Variants in SNRPD2 observed in about 807,000 individuals in gnomAD.
The protein encoded by SNRPD2 is small nuclear ribonucleoprotein Sm D2.
In SNRPD2, 1 loss-of-function variant was observed where a neutral mutation model predicts 11.5. The ratio of observed to expected loss-of-function variants is 0.09; its 90% CI spans 0.03 to 0.41. The LOEUF (loss-of-function observed/expected upper bound fraction) is 0.41. SNRPD2 is among the 10% of genes least tolerant of loss of function. The probability of loss-of-function intolerance (pLI) is 0.98; values close to 1 mark genes in which losing one functional copy is unlikely to be tolerated. For synonymous variants in SNRPD2, 63 were observed against 61.5 expected (o/e 1.02, Z -0.12); for missense variants, 77 against 154.9 (o/e 0.50, Z 2.67).
At chr19:45,692,153 G>T, upstream of SNRPD2, 2 of 682,938 alleles carry the variant, frequency 2.9e-6, no homozygotes, top group Non-Finnish European at 4.7e-6. Context: ...AGGAAAGGCA[G>T]TCTGATTCAA....
At position 45,691,912 on chromosome 19, in the gene SNRPD2, A is replaced by C. The variant is rs753827264; in HGVS notation, c.-24T>G. 6 of 1,613,768 alleles carry C rather than the reference A, an allele frequency of 3.7e-6. No homozygotes were observed. The highest frequency in any genetic ancestry group is 3.3e-5 in the South Asian group (3 of 91,076). On this transcript the variant is annotated 5_prime_UTR_variant, in exon 1 of 3. Coordinates refer to ENST00000342669, the MANE Select transcript of SNRPD2 (RefSeq NM_001384647.1). ...ATGATGGTCACTACGCTCTCCGTTCACTCCCGTTTCCTCCGCGTTGCTGCT... is the reference window on the plus strand; with the variant it reads ...ATGATGGTCACTACGCTCTCCGTTCCCTCCCGTTTCCTCCGCGTTGCTGCT...
At position 45,687,508 on chromosome 19, in the gene SNRPD2, C is replaced by T. The variant is rs763892334; in HGVS notation, c.*45G>A. Reference sequence around the variant, plus strand: ...TATTCTCAACACCAATGGCAGCGGTCTTCATAGGACAGAGGAGTGAGTTCT... The same window carrying T: ...TATTCTCAACACCAATGGCAGCGGTTTTCATAGGACAGAGGAGTGAGTTCT... On this transcript the variant is annotated 3_prime_UTR_variant, in exon 3 of 3. Coordinates refer to ENST00000342669, the MANE Select transcript of SNRPD2 (RefSeq NM_001384647.1). The surrounding 1 kb of genome is among the most constrained non-coding windows in gnomAD (Gnocchi z 4.1). 3.8e-6 allele frequency: 6 copies of T among 1,569,030 alleles called. No homozygotes were observed. Among genetic ancestry groups the T allele is most frequent in the South Asian group, 3.4e-5 (3 of 89,414 alleles).
chr19:45,689,295 G>A (rs1393929876), intron 1 of SNRPD2: 2 of 520,020 alleles, frequency 3.8e-6, no homozygotes, highest in African/African-American at 3.8e-5. Context: ...CTCCACCCAC[G>A]TTCCCTGACA....
intron 1 of SNRPD2, 108 bp downstream of exon 1, chr19:45,691,777 TAA>T: frequency 2.9e-6 from 4 of 1,375,260 alleles, no homozygotes; most frequent in Non-Finnish European, 4.1e-6. Flanking sequence ...GCTGCATCCC[TAA>T]AACATCTGCC....
chr19:45,691,354 C>T (rs1301435173), intron 1 of SNRPD2: 3 of 153,910 alleles, frequency 1.9e-5, no homozygotes, highest in Non-Finnish European at 4.4e-5. Flanking sequence ...TGGTCTCAAA[C>T]TCCTGACCTC....
At chr19:45,689,359 C>T in intron 1 of SNRPD2, 1 of 501,204 alleles carries the variant, frequency 2.0e-6, no homozygotes, top group South Asian at 1.4e-5. Flanking sequence ...TAAATCATAA[C>T]ATGTCACTCT....
intron 1 of SNRPD2, chr19:45,691,536 A>AT (rs5828244): frequency 0.41 from 76,131 of 185,720 alleles, 14,785 homozygotes; most frequent in Admixed American, 0.48. Context: ...TCATAATTAA[A>AT]TTTTTTTTTT....
chr19:45,692,181 G>C, upstream of SNRPD2: 1 of 559,282 alleles, frequency 1.8e-6, no homozygotes, highest in Non-Finnish European at 3.0e-6. Context: ...CTTGAAGAAT[G>C]GTACAGGTTG....
rs1421694985 is a variant in SNRPD2, at chr19:45,687,994, T to A, written c.183-267A>T. ...CTCACAGGGCCATTGAAAATTATCATTTTCTTTTTTGAGACAGAATCTCAC... is the reference window on the plus strand; with the variant it reads ...CTCACAGGGCCATTGAAAATTATCAATTTCTTTTTTGAGACAGAATCTCAC... On this transcript the variant is annotated intron_variant, in intron 2 of 2. Transcript: ENST00000342669. This position sits in a 1 kb window ranked among gnomAD's most constrained non-coding sequence, Gnocchi z 4.1. Among the ~76,000 whole-genome samples the A allele has an allele frequency of 3.9e-5, 6 of 152,138 alleles. No homozygotes were observed. The highest frequency in any genetic ancestry group is 7.4e-5 in the Non-Finnish European group (5 of 68,022).
chr19:45,689,705 C>CT (rs1339671849), intron 1 of SNRPD2, among the ~76,000 whole-genome samples: 1 of 151,814 alleles, frequency 6.6e-6, no homozygotes, highest in Non-Finnish European at 1.5e-5. Flanking sequence ...GAGCGAGACT[C>CT]TTGTCTCAAA....
At chr19:45,691,712 C>G in intron 1 of SNRPD2, 175 bp downstream of exon 1, 1 of 788,326 alleles carries the variant, frequency 1.3e-6, no homozygotes, top group South Asian at 1.5e-5. Flanking sequence ...CCCGAAGTCA[C>G]GATGCGTCAA....
chr19:45,688,802 G>C lies in SNRPD2; in HGVS notation c.3-236C>G, dbSNP rs552461802. On this transcript the variant is annotated intron_variant, in intron 1 of 2. Transcript: ENST00000342669. The surrounding 1 kb of genome is among the most constrained non-coding windows in gnomAD (Gnocchi z 4.1). ...GGCTGGAGCGCAGTGATGTGATCTC[G>C]GCTCACTGCAACCTCTGCCTCCTGG... 6.6e-6 allele frequency among the ~76,000 whole-genome samples: 1 copy of C among 151,046 alleles called. No homozygotes were observed. The highest frequency in any genetic ancestry group is 1.5e-5 in the Non-Finnish European group (1 of 67,754).
chr19:45,687,783 GC>G lies in SNRPD2; in HGVS notation c.183-57del. On this transcript the variant is annotated intron_variant, in intron 2 of 2. Coordinates refer to ENST00000342669, the MANE Select transcript of SNRPD2 (RefSeq NM_001384647.1). This position sits in a 1 kb window ranked among gnomAD's most constrained non-coding sequence, Gnocchi z 4.1. ...GCGTGAGGGGCGTGCCTCTGACAGT[GC>G]CCCCTACTGCCTGCTGCTCGCCCCC... 7.2e-7 allele frequency: 1 copy of G among 1,381,210 alleles called. No individual in the cohort carries two copies. Among genetic ancestry groups the G allele is most frequent in the Middle Eastern group, 2.5e-4 (1 of 3,994 alleles). The allele number at this position is 1,381,210 out of a possible 1,614,324, so 85.6% of individuals were successfully genotyped here. A position where few individuals can be genotyped will look rare whatever the true frequency, so the allele number is the denominator to read the frequency against.
At position 45,691,919 on chromosome 19, in the gene SNRPD2, T is replaced by C. The variant is rs1225975089; in HGVS notation, c.-31A>G. On this transcript the variant is annotated 5_prime_UTR_variant, in exon 1 of 3. Transcript: ENST00000342669. The stretch of plus-strand genomic sequence containing the variant: ...TCACTACGCTCTCCGTTCACTCCCG[T>C]TTCCTCCGCGTTGCTGCTGCCTGAG... 6.2e-7 allele frequency: 1 copy of C among 1,614,040 alleles called. No homozygotes were observed. The highest frequency in any genetic ancestry group is 1.1e-5 in the South Asian group (1 of 91,082).
rs1321380670 is a variant in SNRPD2 at position 45,687,912 on chromosome 19, G to A, written c.183-185C>T. 6.6e-6 allele frequency among the ~76,000 whole-genome samples: 1 copy of A among 152,204 alleles called. No individual in the cohort carries two copies. Among genetic ancestry groups the A allele is most frequent in the East Asian group, 1.9e-4 (1 of 5,194 alleles). On this transcript the variant is annotated intron_variant, in intron 2 of 2. Transcript: ENST00000342669. The surrounding 1 kb of genome is among the most constrained non-coding windows in gnomAD (Gnocchi z 4.1). ...TAGGTTGAGGCTGAGGCAAAGGACT[G>A]CACCTCTCTGTGCCAGTTTGCTCCT...
rs1967451061 is a variant in SNRPD2 at position 45,687,906 on chromosome 19, A to G, written c.183-179T>C. Among the ~76,000 whole-genome samples the G allele has an allele frequency of 6.6e-6, 1 of 152,208 alleles. No individual in the cohort carries two copies. The highest frequency in any genetic ancestry group is 2.1e-4 in the South Asian group (1 of 4,834). ...AGTCCTTAGGTTGAGGCTGAGGCAA[A>G]GGACTGCACCTCTCTGTGCCAGTTT... On this transcript the variant is annotated intron_variant, in intron 2 of 2. Coordinates refer to ENST00000342669, the MANE Select transcript of SNRPD2 (RefSeq NM_001384647.1). The surrounding 1 kb of genome is among the most constrained non-coding windows in gnomAD (Gnocchi z 4.1).
Position 45,687,959 on chromosome 19 carries a change from C to T in SNRPD2, c.183-232G>A, listed in dbSNP as rs556117353. Among the ~76,000 whole-genome samples, 2 of 152,328 alleles carry T rather than the reference C, an allele frequency of 1.3e-5. No individual in the cohort carries two copies. The highest frequency in any genetic ancestry group is 2.1e-4 in the South Asian group (1 of 4,828). On this transcript the variant is annotated intron_variant, in intron 2 of 2. Transcript: ENST00000342669. The surrounding 1 kb of genome is among the most constrained non-coding windows in gnomAD (Gnocchi z 4.1). ...TCCTTTTTAAGAGGGAAGATAATCA[C>T]GTTACCTTCCTCACAGGGCCATTGA...
Position 45,687,607 on chromosome 19 carries a change from C to G in SNRPD2, c.303G>C (p.Leu101=). 1 of 1,614,222 alleles carries G rather than the reference C, an allele frequency of 6.2e-7. No individual in the cohort carries two copies. The highest frequency in any genetic ancestry group is 8.5e-7 in the Non-Finnish European group (1 of 1,180,022). The part of the protein sequence containing the change: ...NKDRYISKMF[L]RGDSVIVVLR... Reference sequence around the variant, plus strand: ...GGACCACGATGACTGAGTCCCCGCGCAGGAACATCTTGGAGATGTAGCGGT... The same window carrying G: ...GGACCACGATGACTGAGTCCCCGCGGAGGAACATCTTGGAGATGTAGCGGT... The change falls in exon 3 of 3, where the codon CTG becomes CTC. Residue 101 remains leucine, a synonymous_variant. Coordinates refer to ENST00000342669, the MANE Select transcript of SNRPD2 (RefSeq NM_001384647.1). This position sits in a 1 kb window ranked among gnomAD's most constrained non-coding sequence, Gnocchi z 4.1.
At position 45,687,916 on chromosome 19, in the gene SNRPD2, CT is replaced by C. The variant is rs1242612208; in HGVS notation, c.183-190del. On this transcript the variant is annotated intron_variant, in intron 2 of 2. Coordinates refer to ENST00000342669, the MANE Select transcript of SNRPD2 (RefSeq NM_001384647.1). The surrounding 1 kb of genome is among the most constrained non-coding windows in gnomAD (Gnocchi z 4.1). ...TTGAGGCTGAGGCAAAGGACTGCAC[CT>C]CTCTGTGCCAGTTTGCTCCTTTTTA... 1.1e-4 allele frequency among the ~76,000 whole-genome samples: 17 copies of C among 152,324 alleles called. No homozygotes were observed. The highest frequency in any genetic ancestry group is 4.1e-4 in the South Asian group (2 of 4,830).
Sources: allele counts gnomAD v4.1 joint callset (sites outside exome capture counted in the v4.1 genomes callset), GRCh38; gene constraint gnomAD v4.1.1; non-coding constraint Gnocchi (gnomAD v3.1); transcripts MANE v1.5; gene names NCBI Gene and HGNC (gene_info 2026-07-23, HGNC 2026-07-21).